LIPK: variants seen among roughly 807,000 people sequenced by gnomAD.
LIPK encodes the protein lipase member K.
Under a neutral mutation model 48.6 loss-of-function variants are expected in LIPK, and 32 were observed. The ratio of observed to expected loss-of-function variants is 0.66; its 90% CI spans 0.50 to 0.88. LIPK has a LOEUF of 0.88. Ranked by LOEUF, LIPK falls within the 40% of genes least tolerant of loss-of-function variation. The pLI is 0.00. For missense variants in LIPK, 507 were observed against 478.5 expected, an observed-to-expected ratio of 1.06 and a Z score of -0.56; for synonymous variants, 164 against 157.4, an observed-to-expected ratio of 1.04 and a Z score of -0.32.
intron 4 of LIPK, among the ~76,000 whole-genome samples, chr10:88,731,414 AGT>A (rs1036850432): frequency 6.6e-6 from 1 of 151,812 alleles, no homozygotes; most frequent in African/African-American, 2.4e-5. Context: ...CGTGTGAGTG[AGT>A]GTGTGTGTGT....
At chr10:88,746,822 T>A (rs1419141954) in intron 9 of LIPK, among the ~76,000 whole-genome samples, 3 of 151,862 alleles carry the variant, frequency 2.0e-5, no homozygotes, top group Non-Finnish European at 2.9e-5. Context: ...ATCAACAAAA[T>A]CACAAGTTGC....
chr10:88,730,688 T>C (rs1842447278), intron 3 of LIPK, among the ~76,000 whole-genome samples: 1 of 152,220 alleles, frequency 6.6e-6, no homozygotes, highest in African/African-American at 2.4e-5. Flanking sequence ...ATAGGTTAAC[T>C]GAGGCACAAA....
chr10:88,748,254 G>A (rs1842803865), intron 9 of LIPK, among the ~76,000 whole-genome samples: 2 of 152,072 alleles, frequency 1.3e-5, no homozygotes, highest in African/African-American at 2.4e-5. Flanking sequence ...ACACACAGCC[G>A]GGCCTGTGTG....
intron 2 of LIPK, 139 bp downstream of exon 2, chr10:88,724,787 T>A: frequency 1.6e-6 from 1 of 621,762 alleles, no homozygotes; most frequent in Non-Finnish European, 2.8e-6. Context: ...TGTTTCTTGA[T>A]ATGGCTAACT....
chr10:88,745,293 T>C (rs1398068663), intron 9 of LIPK, among the ~76,000 whole-genome samples: 7 of 152,112 alleles, frequency 4.6e-5, no homozygotes, highest in African/African-American at 9.7e-5. Context: ...CCCTGCAAGA[T>C]AGTATATAAG....
intron 9 of LIPK, 46 bp downstream of exon 9, chr10:88,743,367 A>T (rs1248387471): frequency 7.2e-7 from 1 of 1,388,148 alleles, no homozygotes; most frequent in Admixed American, 2.0e-5. Flanking sequence ...CAAATGAACT[A>T]ACAAAAATAG....
At position 88,752,691 on chromosome 10, in the gene LIPK, G is replaced by T. The variant is rs1251275049; in HGVS notation, c.1135G>T (p.Glu379Ter). 3 of 1,576,268 alleles carry T rather than the reference G, an allele frequency of 1.9e-6. No individual in the cohort carries two copies. The African/African-American group carries it at 4.0e-5, about 21-fold the overall frequency. ...HYNHVDFYLG[E>*]DAPQEIYQDL... is the part of the protein sequence containing the mutation. ...CAATCATGTGGATTTTTACCTTGGA[G>T]AGGATGCACCTCAGGAAATTTACCA... is the stretch of plus-strand genomic sequence containing the variant. Residue 379 changes from glutamate to a stop codon, truncating the protein, a stop_gained, in exon 10 of 10, where the codon GAG becomes TAG. Coordinates refer to ENST00000404190, the MANE Select transcript of LIPK (RefSeq NM_001080518.2). LOFTEE classifies it high-confidence loss of function.
chr10:88,746,386 A>G (rs1179756367), intron 9 of LIPK, among the ~76,000 whole-genome samples: 1 of 145,842 alleles, frequency 6.9e-6, no homozygotes, highest in Non-Finnish European at 1.5e-5. Flanking sequence ...CCATAAAGCA[A>G]TTCTCAACAA....
chr10:88,742,336 C>A (rs1221867145), intron 8 of LIPK, among the ~76,000 whole-genome samples: 1 of 92,904 alleles, frequency 1.1e-5, no homozygotes, highest in African/African-American at 3.7e-5. Context: ...AGAATTTCAA[C>A]AGCAGCAGAC....
chr10:88,724,665 GA>G lies in LIPK; in HGVS notation c.105+24del, dbSNP rs11358016. On this transcript the variant is annotated intron_variant, in intron 2 of 9. Coordinates refer to ENST00000404190, the MANE Select transcript of LIPK (RefSeq NM_001080518.2). ...ATGAATATTGTAAGTCATTTATTCA[GA>G]AAAAAATGCTAAAATAAGGAATTAT... The G allele has an allele frequency of 0.7, 1,075,181 of 1,525,722 alleles. 385,254 individuals carry two copies. Among genetic ancestry groups the G allele is most frequent in the East Asian group, 1 (42,964 of 43,016 alleles). The allele number at this position is 1,525,722 out of a possible 1,614,324, so 94.5% of individuals were successfully genotyped here.
At chr10:88,737,402 C>T (rs938271586) in intron 6 of LIPK, among the ~76,000 whole-genome samples, 1 of 152,114 alleles carries the variant, frequency 6.6e-6, no homozygotes, top group African/African-American at 2.4e-5. Context: ...CCTGTGGGAA[C>T]TAGTTTCTCA....
intron 9 of LIPK, among the ~76,000 whole-genome samples, chr10:88,744,872 C>T (rs1000545205): frequency 6.6e-6 from 1 of 152,056 alleles, no homozygotes. Context: ...TCCAAGGAAT[C>T]TAAGGAATCC....
At chr10:88,745,091 T>A (rs954141907) in intron 9 of LIPK, among the ~76,000 whole-genome samples, 3 of 152,052 alleles carry the variant, frequency 2.0e-5, no homozygotes, top group African/African-American at 7.2e-5. Context: ...GAAAAAAGAA[T>A]TTAAAAAATG....
At chr10:88,706,371 G>A (rs780636119) in intron 1 of LIPK, among the ~76,000 whole-genome samples, 51 bp downstream of exon 1, 1 of 152,160 alleles carries the variant, frequency 6.6e-6, no homozygotes, top group African/African-American at 2.4e-5. Context: ...GTATTAGTGA[G>A]ACATAGGAAA....
intron 2 of LIPK, among the ~76,000 whole-genome samples, chr10:88,725,381 AATG>A (rs1399241623): frequency 3.3e-5 from 5 of 152,204 alleles, no homozygotes; most frequent in African/African-American, 9.6e-5. Flanking sequence ...ATCCTTCTAT[AATG>A]ATAAGAACAA....
chr10:88,740,514 A>G (rs1395085006), intron 8 of LIPK, among the ~76,000 whole-genome samples: 1 of 152,200 alleles, frequency 6.6e-6, no homozygotes, highest in Non-Finnish European at 1.5e-5. Flanking sequence ...TTTATGGCTT[A>G]TGTTTTTACC....
intron 9 of LIPK, 51 bp downstream of exon 9, chr10:88,743,372 A>T (rs1842714141): frequency 7.5e-7 from 1 of 1,335,328 alleles, no homozygotes; most frequent in Non-Finnish European, 1.1e-6. Context: ...GAACTAACAA[A>T]AATAGTGTCT....
At chr10:88,735,411 C>G (rs1457520883) in intron 6 of LIPK, among the ~76,000 whole-genome samples, 2 of 152,204 alleles carry the variant, frequency 1.3e-5, no homozygotes, top group African/African-American at 4.8e-5. Context: ...GCTCAGAGAA[C>G]CTAAGCAGCC....
intron 1 of LIPK, among the ~76,000 whole-genome samples, chr10:88,719,563 C>T (rs955556356): frequency 6.6e-6 from 1 of 152,182 alleles, no homozygotes; most frequent in African/African-American, 2.4e-5. Flanking sequence ...CTTTATTTTA[C>T]CATTGATCAA....
Sources: allele counts gnomAD v4.1 joint callset (sites outside exome capture counted in the v4.1 genomes callset), GRCh38; gene constraint gnomAD v4.1.1; transcripts MANE v1.5; gene names NCBI Gene and HGNC (gene_info 2026-07-23, HGNC 2026-07-21).